Variants in CCDC181 observed in about 807,000 individuals in gnomAD.
CCDC181 encodes the protein coiled-coil domain-containing protein 181.
Under a neutral mutation model 58.7 loss-of-function variants are expected in CCDC181, and 35 were observed. The ratio of observed to expected loss-of-function variants is 0.60; its 90% confidence interval spans 0.46 to 0.79. The LOEUF (loss-of-function observed/expected upper bound fraction) is 0.79, where lower values mean the gene tolerates loss of function less well. Among genes scored for constraint, CCDC181 ranks in the 30% least tolerant of loss-of-function variants. The probability of loss-of-function intolerance (pLI) is 0.00; values close to 1 mark genes in which losing one functional copy is unlikely to be tolerated. For missense variants in CCDC181, 517 were observed against 583.9 expected (o/e 0.89, Z 1.18); for synonymous variants, 183 against 197.5 (o/e 0.93, Z 0.62).
intron 2 of CCDC181, among the ~76,000 whole-genome samples, chr1:169,445,796 A>G (rs1657356458): frequency 6.6e-6 from 1 of 152,050 alleles, no homozygotes. Flanking sequence ...TTAATTAGTG[A>G]CACTATTTTT....
intron 4 of CCDC181, among the ~76,000 whole-genome samples, chr1:169,400,552 A>G (rs963479070): frequency 2.0e-5 from 3 of 152,200 alleles, no homozygotes; most frequent in Admixed American, 1.3e-4. Context: ...ATTGGCATTT[A>G]GATACAAACA....
chr1:169,421,833 C>T lies in CCDC181; in HGVS notation c.598G>A (p.Val200Met), dbSNP rs769505259. The T allele has an allele frequency of 7.4e-6, 12 of 1,613,800 alleles. No homozygotes were observed. In the African/African-American group the frequency reaches 9.3e-5, roughly 13 times the overall value. Residue 200 changes from valine to methionine, a missense_variant, in exon 3 of 6, where the codon GTG becomes ATG. Physicochemically the swap from Val to Met is conservative, Grantham distance 21. Transcript: ENST00000367806. ...CTTCCATTAGTAAGTGACAGGAGCA[C>T]ATCTTCTTGTCCAAAATCATTGGAA... ...CISNDFGQED[V>M]LLSLTNGSCE... is the part of the protein sequence containing the mutation.
At position 169,421,787 on chromosome 1, in the gene CCDC181, C is replaced by G. The variant is rs1557870581; in HGVS notation, c.644G>C (p.Arg215Thr). The G allele has an allele frequency of 3.7e-6, 6 of 1,614,090 alleles. No homozygotes were observed. Among genetic ancestry groups the G allele is most frequent in the Non-Finnish European group, 5.1e-6 (6 of 1,179,996 alleles). Residue 215 changes from arginine (R) to threonine (T), a missense_variant, in exon 3 of 6, where the codon AGG (arginine) becomes ACG (threonine). Arg to Thr is a moderately conservative substitution (Grantham distance 71). Transcript: ENST00000367806. Reference protein sequence around the residue: ...TNGSCEENKDRTILVERDGKF... With the variant: ...TNGSCEENKDTTILVERDGKF... ...TCCATCTCTCTCTACCAGTATTGTC[C>G]TATCCTTGTTTTCTTCACAGCTTCC...
intron 1 of CCDC181, among the ~76,000 whole-genome samples, chr1:169,426,394 A>C (rs1571499328): frequency 6.6e-6 from 1 of 152,316 alleles, no homozygotes; most frequent in East Asian, 1.9e-4. Flanking sequence ...CACACATTTA[A>C]ATTTCAACAT....
intron 2 of CCDC181, among the ~76,000 whole-genome samples, chr1:169,438,081 T>G (rs927965575): frequency 1.4e-4 from 22 of 152,140 alleles, no homozygotes; most frequent in African/African-American, 5.3e-4. Flanking sequence ...AAAAGCAGGC[T>G]TGTAGGTGTC....
chr1:169,423,862 C>G (rs1656602815), intron 2 of CCDC181, among the ~76,000 whole-genome samples: 1 of 152,002 alleles, frequency 6.6e-6, no homozygotes, highest in South Asian at 2.1e-4. Flanking sequence ...AAAATCTTCA[C>G]TTTTGACTCT....
At chr1:169,424,106 A>C (rs1030171311) in intron 2 of CCDC181, among the ~76,000 whole-genome samples, 2 of 151,904 alleles carry the variant, frequency 1.3e-5, no homozygotes, top group Non-Finnish European at 2.9e-5. Context: ...ATATACATAT[A>C]TATACACACA....
At chr1:169,431,328 C>G (rs1332156667), upstream of CCDC181, among the ~76,000 whole-genome samples, 8 of 152,170 alleles carry the variant, frequency 5.3e-5, no homozygotes, top group African/African-American at 1.9e-4. Context: ...ATTTCTTTCT[C>G]TTGCCTGGTT....
chr1:169,427,025 A>G (rs1656739807), intron 1 of CCDC181, among the ~76,000 whole-genome samples: 1 of 152,038 alleles, frequency 6.6e-6, no homozygotes, highest in Non-Finnish European at 1.5e-5. Flanking sequence ...TTGAGAGGGG[A>G]AAGAATATGA....
chr1:169,423,151 C>A (rs1231624499), intron 2 of CCDC181, among the ~76,000 whole-genome samples: 2 of 151,158 alleles, frequency 1.3e-5, no homozygotes, highest in African/African-American at 2.4e-5. Flanking sequence ...CTCTCTTCAA[C>A]CCCTTAAAAT....
chr1:169,429,475 T>A (rs1656846905), upstream of CCDC181, among the ~76,000 whole-genome samples: 1 of 152,210 alleles, frequency 6.6e-6, no homozygotes, highest in South Asian at 2.1e-4. Flanking sequence ...TTGTTTTTTT[T>A]ATTTTTTGCT....
chr1:169,432,439 GA>G (rs1044102098), upstream of CCDC181, among the ~76,000 whole-genome samples: 6 of 152,078 alleles, frequency 3.9e-5, no homozygotes, highest in African/African-American at 7.2e-5. Context: ...AATAATGGCT[GA>G]AAACTTCCCA....
intron 4 of CCDC181, chr1:169,418,710 G>C (rs896235965): frequency 1.1e-4 from 39 of 356,914 alleles, no homozygotes; most frequent in Middle Eastern, 7.1e-4. Context: ...AGGGTTTTGT[G>C]GGGGGGTGTG....
At chr1:169,416,276 C>A (rs551549018) in intron 4 of CCDC181, among the ~76,000 whole-genome samples, 1 of 152,258 alleles carries the variant, frequency 6.6e-6, no homozygotes, top group Admixed American at 6.5e-5. Context: ...ACGCACTACA[C>A]TGCTCTTCCT....
intron 2 of CCDC181, among the ~76,000 whole-genome samples, chr1:169,435,963 G>A (rs559082385): frequency 2.6e-5 from 4 of 152,274 alleles, no homozygotes; most frequent in African/African-American, 9.6e-5. Flanking sequence ...TTAAATGGAA[G>A]TCAGAGTTCC....
At chr1:169,414,438 GATCTTAACAAC>G (rs1656123793) in intron 4 of CCDC181, among the ~76,000 whole-genome samples, 1 of 152,130 alleles carries the variant, frequency 6.6e-6, no homozygotes, top group Non-Finnish European at 1.5e-5. Context: ...GCATGCAGAA[GATCTTAACAAC>G]ACTATCAACC....
intron 2 of CCDC181, among the ~76,000 whole-genome samples, chr1:169,423,125 G>T (rs539443205): frequency 1.3e-5 from 2 of 149,808 alleles, no homozygotes; most frequent in Non-Finnish European, 3.0e-5. Flanking sequence ...AGTTCTATGG[G>T]AGCTACTACA....
chr1:169,424,561 T>G (rs66937324), intron 2 of CCDC181, among the ~76,000 whole-genome samples: 1 of 151,692 alleles, frequency 6.6e-6, no homozygotes, highest in Admixed American at 6.6e-5. Context: ...AATTTTATAA[T>G]GGTCACTTTA....
intron 4 of CCDC181, among the ~76,000 whole-genome samples, chr1:169,407,935 G>C (rs556053080): frequency 6.6e-6 from 1 of 152,296 alleles, no homozygotes; most frequent in East Asian, 1.9e-4. Flanking sequence ...TCACAACCAG[G>C]AGACCAGGAG....
Sources: allele counts gnomAD v4.1 joint callset (sites outside exome capture counted in the v4.1 genomes callset), GRCh38; gene constraint gnomAD v4.1.1; transcripts MANE v1.5; gene names NCBI Gene and HGNC (gene_info 2026-07-23, HGNC 2026-07-21).